The following TRMT10B variants were observed in gnomAD, a reference collection of about 807,000 sequenced individuals.
The protein encoded by TRMT10B is tRNA methyltransferase 10B, also known as tRNA methyltransferase 10 homolog B.
A neutral mutation model predicts 43.8 loss-of-function variants in TRMT10B; 33 were observed. The observed-to-expected ratio is 0.75, with a 90% CI of 0.57 to 1.01. The LOEUF (loss-of-function observed/expected upper bound fraction) is 1.01. Ranked by LOEUF, TRMT10B falls within the 50% of genes least tolerant of loss-of-function variation. The pLI is 0.00. For synonymous variants in TRMT10B, 137 were observed against 130.6 expected (o/e 1.05, Z -0.34); for missense variants, 362 against 369.8 (o/e 0.98, Z 0.17).
At chr9:37,767,739 T>A (rs1827147557) in intron 4 of TRMT10B, among the ~76,000 whole-genome samples, 4 of 152,098 alleles carry the variant, frequency 2.6e-5, no homozygotes, top group Admixed American at 1.3e-4. Context: ...TGTAAAAACA[T>A]TTATGTATAT....
chr9:37,753,095 T>G (rs956204972), upstream of TRMT10B, among the ~76,000 whole-genome samples: 3 of 149,548 alleles, frequency 2.0e-5, no homozygotes, highest in African/African-American at 7.4e-5. Flanking sequence ...ACTCCAGGTG[T>G]GCCCTCTTAA....
At chr9:37,760,483 G>A (rs7868556) in intron 1 of TRMT10B, among the ~76,000 whole-genome samples, 2,209 of 152,276 alleles carry the variant, frequency 0.015, 26 homozygotes, top group Middle Eastern at 0.037. Context: ...TTGTGCCACC[G>A]CACTCGAGCT....
At chr9:37,767,513 C>CAAAAAAACAAAA (rs1827105944) in intron 4 of TRMT10B, 1 of 78,048 alleles carries the variant, frequency 1.3e-5, no homozygotes, top group Non-Finnish European at 2.3e-5. Context: ...ACCCTGTCTC[C>CAAAAAAACAAAA]AAAAAAAAAA....
At chr9:37,755,527 A>G (rs534488833) in intron 1 of TRMT10B, among the ~76,000 whole-genome samples, 3 of 152,236 alleles carry the variant, frequency 2.0e-5, no homozygotes, top group Non-Finnish European at 4.4e-5. Context: ...GAGGATCCCT[A>G]GGTGGCAATC....
intron 5 of TRMT10B, 118 bp from the exon 6 acceptor site, chr9:37,769,823 G>C (rs931512076): frequency 7.4e-6 from 6 of 813,880 alleles, no homozygotes; most frequent in East Asian, 7.3e-5. Context: ...GTCTGGTCTC[G>C]AACTTTGGAG....
intron 1 of TRMT10B, among the ~76,000 whole-genome samples, chr9:37,755,936 G>C (rs554126028): frequency 6.6e-6 from 1 of 152,290 alleles, no homozygotes; most frequent in South Asian, 2.1e-4. Context: ...TTTGATAGGA[G>C]AGAAGATACC....
At chr9:37,767,276 G>A (rs1374514865) in intron 4 of TRMT10B, 1 of 152,050 alleles carries the variant, frequency 6.6e-6, no homozygotes, top group Non-Finnish European at 1.5e-5. Flanking sequence ...AGCATCTTGG[G>A]AGGCCGAGGC....
rs1248413460 is a variant in TRMT10B, at chr9:37,753,821, C to G, written c.-61C>G. On this transcript the variant is annotated 5_prime_UTR_variant, in exon 1 of 9. Transcript: ENST00000297994. ...GGGGGCGGGGGGGATCCGATGCGCG[C>G]CGCTGCCGCTGCGTGGGGGTGAGGG... 1 of 152,324 alleles carries G rather than the reference C, an allele frequency of 6.6e-6. No individual in the cohort carries two copies. Among genetic ancestry groups the G allele is most frequent in the Non-Finnish European group, 1.5e-5 (1 of 68,138 alleles). The allele number at this position is 152,324 out of a possible 1,614,324, so 9.4% of individuals were successfully genotyped here.
At chr9:37,756,387 T>C (rs1345619274) in intron 1 of TRMT10B, among the ~76,000 whole-genome samples, 1 of 150,110 alleles carries the variant, frequency 6.7e-6, no homozygotes, top group Non-Finnish European at 1.5e-5. Flanking sequence ...ACTGTCATAA[T>C]GGGGGTCTAG....
chr9:37,758,027 T>C (rs1278044233), intron 1 of TRMT10B, among the ~76,000 whole-genome samples: 2 of 152,216 alleles, frequency 1.3e-5, no homozygotes, highest in Non-Finnish European at 2.9e-5. Context: ...TAGAAATGTT[T>C]TCCAAACACA....
At chr9:37,755,217 G>GTCGAGA (rs987341174) in intron 1 of TRMT10B, among the ~76,000 whole-genome samples, 5 of 151,398 alleles carry the variant, frequency 3.3e-5, no homozygotes, top group Non-Finnish European at 5.9e-5. Context: ...CTTGCAGTGA[G>GTCGAGA]TCGAGATCGC....
intron 4 of TRMT10B, among the ~76,000 whole-genome samples, chr9:37,764,315 A>ATTTTTTTTTT (rs753115932): frequency 9.0e-6 from 1 of 110,582 alleles, no homozygotes; most frequent in Non-Finnish European, 1.8e-5. Flanking sequence ...CGCCTGACAA[A>ATTTTTTTTTT]TTTTTTTTTT....
chr9:37,758,107 A>G (rs1005069798), intron 1 of TRMT10B, among the ~76,000 whole-genome samples: 1 of 152,186 alleles, frequency 6.6e-6, no homozygotes, highest in African/African-American at 2.4e-5. Flanking sequence ...ATATTTATGG[A>G]GTTATAATAT....
At chr9:37,777,329 C>T (rs560973359) in intron 8 of TRMT10B, among the ~76,000 whole-genome samples, 112 of 148,424 alleles carry the variant, frequency 7.5e-4, no homozygotes, top group South Asian at 4.4e-3. Flanking sequence ...TGGCCCTTCC[C>T]CATCCCAGGC....
intron 7 of TRMT10B, 100 bp downstream of exon 7, chr9:37,770,839 CAG>C: frequency 8.1e-7 from 1 of 1,232,760 alleles, no homozygotes; most frequent in South Asian, 1.5e-5. Context: ...TCTAAGAACT[CAG>C]AGGGAACAGG....
chr9:37,763,817 T>G lies in TRMT10B; in HGVS notation c.420+64T>G, dbSNP rs756709950. ...GAGGGAGGCCCAGAAGGGTACAGCT[T>G]TCCGAAGAATATGGTCAACTCCAGC... On this transcript the variant is annotated intron_variant, in intron 4 of 8. Coordinates refer to ENST00000297994, the MANE Select transcript of TRMT10B (RefSeq NM_144964.4). The G allele has an allele frequency of 2.5e-6, 4 of 1,611,144 alleles. No individual in the cohort carries two copies. The South Asian group carries it at 4.4e-5, about 18-fold the overall frequency.
At chr9:37,764,422 C>T (rs1001526599) in intron 4 of TRMT10B, among the ~76,000 whole-genome samples, 4 of 148,926 alleles carry the variant, frequency 2.7e-5, no homozygotes, top group South Asian at 2.1e-4. Flanking sequence ...CCTGGGTTGA[C>T]GCCATTCTTG....
rs1828378822 is a variant in TRMT10B, at chr9:37,778,093, T to TGGCA, written c.*387_*390dup. 5.6e-6 allele frequency: 1 copy of TGGCA among 177,096 alleles called. No homozygotes were observed. Among genetic ancestry groups the TGGCA allele is most frequent in the Non-Finnish European group, 1.2e-5 (1 of 83,082 alleles). The allele number at this position is 177,096 out of a possible 1,614,324, so 11.0% of individuals were successfully genotyped here. ...CAAAGAGCAGGGCAGAGGGTGGCAGTGGCACATAGGCAAGTGTCTTTGCAT... is the reference window on the plus strand; with the variant it reads ...CAAAGAGCAGGGCAGAGGGTGGCAGTGGCAGGCACATAGGCAAGTGTCTTTGCAT... On this transcript the variant is annotated 3_prime_UTR_variant, in exon 9 of 9. Coordinates refer to ENST00000297994, the MANE Select transcript of TRMT10B (RefSeq NM_144964.4).
Position 37,776,291 on chromosome 9 carries a change from T to C in TRMT10B, c.730T>C (p.Phe244Leu), listed in dbSNP as rs1320587888. The part of the protein sequence containing the change: ...VDESIQKKVT[F>L]QKAREYSVKT... Reference sequence around the variant, plus strand: ...AACTATATATTTACAGAAGGTGACATTTCAAAAGGCCCGGGAATACTCTGT... The same window carrying C: ...AACTATATATTTACAGAAGGTGACACTTCAAAAGGCCCGGGAATACTCTGT... Residue 244 changes from phenylalanine (F) to leucine (L), a missense_variant, in exon 8 of 9, where the codon TTT becomes CTT. Transcript: ENST00000297994. The C allele has an allele frequency of 1.9e-6, 3 of 1,550,098 alleles. No individual in the cohort carries two copies. In the Admixed American group the frequency reaches 6.3e-5, roughly 33 times the overall value.
Sources: allele counts gnomAD v4.1 joint callset (sites outside exome capture counted in the v4.1 genomes callset), GRCh38; gene constraint gnomAD v4.1.1; transcripts MANE v1.5; gene names NCBI Gene and HGNC (gene_info 2026-07-23, HGNC 2026-07-21).